FBXL7: variants seen among roughly 807,000 people sequenced by gnomAD.
The protein encoded by FBXL7 is F-box and leucine rich repeat protein 7.
In FBXL7, 12 loss-of-function variants were observed where a neutral mutation model predicts 38.3. That is an observed-to-expected ratio of 0.31 (90% CI 0.20 to 0.51). The LOEUF is 0.51. FBXL7 is among the 20% of genes least tolerant of loss of function. FBXL7 has a pLI of 0.98. For missense variants in FBXL7, 567 were observed against 676.4 expected (o/e 0.84, Z 1.79); for synonymous variants, 297 against 300.9 (o/e 0.99, Z 0.13).
chr5:15,718,544 G>A (rs1313618689), intron 2 of FBXL7, among the ~76,000 whole-genome samples: 1 of 152,138 alleles, frequency 6.6e-6, no homozygotes, highest in African/African-American at 2.4e-5. Context: ...TGTTAAATAA[G>A]CAAGGAAATA....
intron 2 of FBXL7, among the ~76,000 whole-genome samples, chr5:15,856,742 T>C (rs1739283958): frequency 6.6e-6 from 1 of 151,950 alleles, no homozygotes; most frequent in South Asian, 2.1e-4. Context: ...CCTTCCTTCC[T>C]TTTTTTTCTT....
intron 2 of FBXL7, among the ~76,000 whole-genome samples, chr5:15,879,098 T>C (rs1284612431): frequency 6.6e-6 from 1 of 152,226 alleles, no homozygotes; most frequent in Non-Finnish European, 1.5e-5. Context: ...TCTGTCTTGA[T>C]GATGAAAGCT....
chr5:15,571,267 A>G (rs1046064080), intron 1 of FBXL7, among the ~76,000 whole-genome samples: 10 of 152,106 alleles, frequency 6.6e-5, no homozygotes, highest in African/African-American at 2.4e-4. Context: ...CCGCCTCACT[A>G]GCAGTATAGA....
At chr5:15,921,610 A>C (rs542080697) in intron 2 of FBXL7, among the ~76,000 whole-genome samples, 2 of 152,314 alleles carry the variant, frequency 1.3e-5, no homozygotes, top group South Asian at 4.1e-4. Flanking sequence ...AGGGGCTAAC[A>C]TCTAAGATTT....
intron 1 of FBXL7, among the ~76,000 whole-genome samples, chr5:15,600,910 T>G (rs570523999): frequency 6.6e-6 from 1 of 152,340 alleles, no homozygotes; most frequent in Admixed American, 6.5e-5. Context: ...TTGAGCCACC[T>G]CTAGCCACAC....
intron 2 of FBXL7, among the ~76,000 whole-genome samples, chr5:15,892,768 A>C (rs1297584764): frequency 6.6e-6 from 1 of 152,150 alleles, no homozygotes; most frequent in Non-Finnish European, 1.5e-5. Flanking sequence ...TTTCTGTTTC[A>C]TTTTTATAAC....
intron 1 of FBXL7, among the ~76,000 whole-genome samples, chr5:15,555,047 T>G (rs1738189752): frequency 6.6e-6 from 1 of 152,246 alleles, no homozygotes; most frequent in African/African-American, 2.4e-5. Context: ...TATATTCTCC[T>G]GTATTCTTGC....
chr5:15,847,482 A>G (rs1738944540), intron 2 of FBXL7, among the ~76,000 whole-genome samples: 1 of 152,128 alleles, frequency 6.6e-6, no homozygotes, highest in Non-Finnish European at 1.5e-5. Context: ...ACAATTCAAG[A>G]TGAGATTTGG....
At chr5:15,809,762 C>T (rs1737808864) in intron 2 of FBXL7, among the ~76,000 whole-genome samples, 2 of 152,182 alleles carry the variant, frequency 1.3e-5, no homozygotes, top group African/African-American at 4.8e-5. Flanking sequence ...AGGCACTAAG[C>T]TAAATGGAAG....
intron 1 of FBXL7, among the ~76,000 whole-genome samples, chr5:15,586,299 C>G (rs1475141062): frequency 8.5e-6 from 1 of 117,848 alleles, no homozygotes; most frequent in Admixed American, 1.0e-4. Context: ...TTCTCTCTCT[C>G]TCCCCCCTCA....
intron 2 of FBXL7, among the ~76,000 whole-genome samples, chr5:15,781,023 A>G (rs972374479): frequency 1.6e-4 from 24 of 152,278 alleles, no homozygotes; most frequent in South Asian, 1.4e-3. Flanking sequence ...GCCAGTCGCT[A>G]TTTCTAAGAT....
chr5:15,781,392 C>A (rs536789080), intron 2 of FBXL7, among the ~76,000 whole-genome samples: 2 of 151,702 alleles, frequency 1.3e-5, no homozygotes, highest in Non-Finnish European at 2.9e-5. Context: ...AAAAAAAGGT[C>A]TAAGTACATT....
intron 2 of FBXL7, among the ~76,000 whole-genome samples, chr5:15,673,847 A>G (rs1350475959): frequency 1.3e-5 from 2 of 152,024 alleles, no homozygotes; most frequent in South Asian, 2.1e-4. Context: ...TATGTTTTAA[A>G]CCTCAAAGTT....
At chr5:15,901,687 T>A (rs1426045557) in intron 2 of FBXL7, among the ~76,000 whole-genome samples, 1 of 152,318 alleles carries the variant, frequency 6.6e-6, no homozygotes, top group East Asian at 1.9e-4. Flanking sequence ...CCCTTCTGAG[T>A]AGGACGAAGA....
intron 2 of FBXL7, among the ~76,000 whole-genome samples, chr5:15,828,776 G>A (rs964235814): frequency 6.6e-5 from 10 of 152,168 alleles, no homozygotes; most frequent in South Asian, 6.2e-4. Flanking sequence ...ACAGAATTTG[G>A]TAGAAATCTT....
At chr5:15,587,469 A>G (rs1035111763) in intron 1 of FBXL7, among the ~76,000 whole-genome samples, 7 of 152,178 alleles carry the variant, frequency 4.6e-5, no homozygotes, top group East Asian at 3.9e-4. Context: ...TTCCATGTTT[A>G]TTTATTTTTG....
chr5:15,749,960 G>C (rs1248166801), intron 2 of FBXL7, among the ~76,000 whole-genome samples: 1 of 152,200 alleles, frequency 6.6e-6, no homozygotes, highest in Non-Finnish European at 1.5e-5. Context: ...ACACTGGCTG[G>C]ATTCCAGCCT....
At chr5:15,654,618 A>T (rs975999285) in intron 2 of FBXL7, among the ~76,000 whole-genome samples, 5 of 152,148 alleles carry the variant, frequency 3.3e-5, no homozygotes, top group African/African-American at 1.2e-4. Flanking sequence ...AAAGTATTCA[A>T]AACCTCTAAC....
At chr5:15,761,053 A>G (rs1051989563) in intron 2 of FBXL7, among the ~76,000 whole-genome samples, 7 of 152,124 alleles carry the variant, frequency 4.6e-5, no homozygotes, top group Non-Finnish European at 8.8e-5. Flanking sequence ...CATGACAGTC[A>G]TTTATTTTTC....
Sources: gnomAD v4.1 joint callset for allele counts (sites outside exome capture counted in the v4.1 genomes callset) on GRCh38, gnomAD v4.1.1 for gene constraint, MANE v1.5 for transcripts, NCBI Gene and HGNC (gene_info 2026-07-23, HGNC 2026-07-21) for gene names.